LTA4H: variants seen among roughly 807,000 people sequenced by gnomAD.
The protein encoded by LTA4H is leukotriene A-4 hydrolase.
A neutral mutation model predicts 89.8 loss-of-function variants in LTA4H; 59 were observed. The observed-to-expected ratio is 0.66, with a 90% CI of 0.53 to 0.82. The LOEUF (loss-of-function observed/expected upper bound fraction) is 0.82. Among genes scored for constraint, LTA4H ranks in the 40% least tolerant of loss-of-function variants. The pLI is 0.00. For synonymous variants in LTA4H, 227 were observed against 253.1 expected (o/e 0.90, Z 0.98); for missense variants, 617 against 727.0 (o/e 0.85, Z 1.74).
rs1461779932 is a variant in LTA4H at position 96,003,036 on chromosome 12, A to T, written c.1642T>A (p.Trp548Arg). Residue 548 changes from tryptophan to arginine, a missense_variant, in exon 18 of 19, where the codon TGG (tryptophan) becomes AGG (arginine). Transcript: ENST00000228740. Reference protein sequence around the residue: ...RWLRLCIQSKWEDAIPLALKM... With the variant: ...RWLRLCIQSKREDAIPLALKM... Reference sequence around the variant, plus strand: ...AGCGCCAAAGGAATTGCGTCCTCCCACTTGGATTGAATGCAGAGCCGCAGC... The same window carrying T: ...AGCGCCAAAGGAATTGCGTCCTCCCTCTTGGATTGAATGCAGAGCCGCAGC... 3 of 1,602,846 alleles carry T rather than the reference A, an allele frequency of 1.9e-6. No individual in the cohort carries two copies. The highest frequency in any genetic ancestry group is 2.6e-6 in the Non-Finnish European group (3 of 1,174,120).
In LTA4H at chr12:96,035,405, C is replaced by T; in HGVS notation, c.115G>A (p.Ala39Thr). 1 of 1,611,264 alleles carries T rather than the reference C, an allele frequency of 6.2e-7. No homozygotes were observed. The highest frequency in any genetic ancestry group is 1.6e-4 in the Middle Eastern group (1 of 6,062). Residue 39 changes from alanine (A) to threonine (T), a missense_variant, in exon 1 of 19, where the codon GCT becomes ACT. Physicochemically the swap from Ala to Thr is moderately conservative, Grantham distance 58 (BLOSUM62 0). Around this residue, in one of 3 missense-constraint regions of LTA4H, gnomAD observed 155 missense variants for 143.3 expected, o/e 1.08. Transcript: ENST00000228740. ...DFTRRTLTGT[A>T]ALTVQSQEDN... ...TCCTGAGACTGGACCGTGAGAGCAG[C>T]AGTCCCGGTCAGCGTCCGGCGAGTA...
At chr12:96,030,869 T>G (rs1950564469) in intron 1 of LTA4H, among the ~76,000 whole-genome samples, 1 of 152,238 alleles carries the variant, frequency 6.6e-6, no homozygotes, top group South Asian at 2.1e-4. Context: ...ATAATAGGGT[T>G]ACTCCTTCAT....
upstream of LTA4H, among the ~76,000 whole-genome samples, chr12:96,038,773 A>G (rs1005217901): frequency 6.8e-6 from 1 of 147,828 alleles, no homozygotes; most frequent in Admixed American, 6.9e-5. Context: ...AAATCATCTT[A>G]TTTATCTAGT....
Position 96,013,175 on chromosome 12 carries a change from G to T in LTA4H, c.1379+13C>A. 1 of 1,605,534 alleles carries T rather than the reference G, an allele frequency of 6.2e-7. No individual in the cohort carries two copies. The highest frequency in any genetic ancestry group is 8.5e-7 in the Non-Finnish European group (1 of 1,172,310). ...GAGAATGAGAAGGAAAGCATTAGCA[G>T]GCAAGTACTTACTTGGGCTTTATGG... On this transcript the variant is annotated intron_variant, in intron 14 of 18. Transcript: ENST00000228740.
Position 96,014,993 on chromosome 12 carries a change from T to C in LTA4H, c.1066A>G (p.Thr356Ala). ...GTGAAAGGATGTGTCTCCCCAAATGTCTTTACCTGCAAGACATGAAATAAC... is the reference window on the plus strand; with the variant it reads ...GTGAAAGGATGTGTCTCCCCAAATGCCTTTACCTGCAAGACATGAAATAAC... Reference protein sequence around the residue: ...GWGELQNSVKTFGETHPFTKL... With the variant: ...GWGELQNSVKAFGETHPFTKL... Residue 356 changes from threonine (T) to alanine (A), a missense_variant, in exon 12 of 19, where the codon ACA becomes GCA. Physicochemically the swap from Thr to Ala is moderately conservative, Grantham distance 58. Coordinates refer to ENST00000228740, the MANE Select transcript of LTA4H (RefSeq NM_000895.3). The C allele has an allele frequency of 6.2e-7, 1 of 1,607,512 alleles. No homozygotes were observed.
chr12:96,035,322 C>T lies in LTA4H; in HGVS notation c.159+39G>A, dbSNP rs760090613. ...AGGACTAGGGTCGAGGGGCAGGGAG[C>T]CCGGGAGAGGCGGGCACTGGGCAGG... On this transcript the variant is annotated intron_variant, in intron 1 of 18. Coordinates refer to ENST00000228740, the MANE Select transcript of LTA4H (RefSeq NM_000895.3). The T allele has an allele frequency of 1.9e-6, 3 of 1,575,814 alleles. No homozygotes were observed. In the South Asian group the frequency reaches 3.4e-5, roughly 18 times the overall value.
chr12:96,016,487 T>G (rs767065991), intron 10 of LTA4H, among the ~76,000 whole-genome samples: 11 of 151,114 alleles, frequency 7.3e-5, no homozygotes, highest in Non-Finnish European at 5.9e-5. Context: ...GGCATGCGCC[T>G]TTAGTCTCAG....
Position 96,006,416 on chromosome 12 carries a change from T to C in LTA4H, c.1435-7A>G. The C allele has an allele frequency of 6.5e-7, 1 of 1,547,792 alleles. No homozygotes were observed. The highest frequency in any genetic ancestry group is 1.1e-5 in the South Asian group (1 of 87,806). The stretch of plus-strand genomic sequence containing the variant: ...TTAAATCATCTTCTTTGGCCTGAAA[T>C]AAATGTTACCTAGTTATTTTTGTTC... On this transcript the variant is annotated splice_region_variant and splice_polypyrimidine_tract_variant and intron_variant, in intron 15 of 18. Coordinates refer to ENST00000228740, the MANE Select transcript of LTA4H (RefSeq NM_000895.3).
intron 1 of LTA4H, among the ~76,000 whole-genome samples, chr12:96,043,001 C>T (rs1950699546): frequency 6.6e-6 from 1 of 152,200 alleles, no homozygotes; most frequent in Non-Finnish European, 1.5e-5. Context: ...TCCTGCTTAC[C>T]ATTCCCATCT....
upstream of LTA4H, among the ~76,000 whole-genome samples, chr12:96,035,848 G>A (rs1361141726): frequency 2.0e-5 from 3 of 152,258 alleles, no homozygotes; most frequent in African/African-American, 7.2e-5. Context: ...GGGAAATGAT[G>A]AGAATGGAGG....
At chr12:96,042,045 A>G (rs1256761098) in intron 1 of LTA4H, among the ~76,000 whole-genome samples, 3 of 139,244 alleles carry the variant, frequency 2.2e-5, no homozygotes, top group Non-Finnish European at 3.0e-5. Flanking sequence ...GTGCAGTGGC[A>G]CGATCTCAGA....
upstream of LTA4H, among the ~76,000 whole-genome samples, chr12:96,037,481 G>A (rs531679109): frequency 2.6e-5 from 4 of 152,322 alleles, no homozygotes; most frequent in South Asian, 8.3e-4. Context: ...AGTAAGAAGT[G>A]AAAATTCTCT....
At chr12:96,039,693 G>A (rs1950673851), upstream of LTA4H, among the ~76,000 whole-genome samples, 1 of 152,154 alleles carries the variant, frequency 6.6e-6, no homozygotes, top group Non-Finnish European at 1.5e-5. Context: ...AAAAAGGAAT[G>A]GCAACATTAG....
chr12:96,026,915 A>G (rs539306527), intron 3 of LTA4H, among the ~76,000 whole-genome samples: 1 of 152,210 alleles, frequency 6.6e-6, no homozygotes. Context: ...AAACAAAAGT[A>G]GTTTAAGTCA....
chr12:96,009,918 T>G (rs1309110807), intron 14 of LTA4H: 1 of 152,136 alleles, frequency 6.6e-6, no homozygotes, highest in Non-Finnish European at 1.5e-5. Flanking sequence ...CCACTGAATC[T>G]CCCTTAAAGA....
Position 96,013,837 on chromosome 12 carries a change from G to C in LTA4H, c.1221C>G (p.Phe407Leu), listed in dbSNP as rs765153042. Residue 407 changes from phenylalanine (F) to leucine (L), a missense_variant, in exon 13 of 19, where the codon TTC (phenylalanine) becomes TTG (leucine). By Grantham distance (22) the Phe-to-Leu change is conservative. This residue lies in a region of LTA4H where 290 missense variants were observed against 339.1 expected (regional missense o/e 0.86). Coordinates refer to ENST00000228740, the MANE Select transcript of LTA4H (RefSeq NM_000895.3). The stretch of plus-strand genomic sequence containing the variant: ...AAAACTTCTCAACATAAGCTTTTAA[G>C]AATCCTAGGAAAATCTCTAAGAGTA... ...LLGGPEIFLG[F>L]LKAYVEKFSY... The C allele has an allele frequency of 6.7e-7, 1 of 1,493,080 alleles. No homozygotes were observed. Among genetic ancestry groups the C allele is most frequent in the Non-Finnish European group, 9.2e-7 (1 of 1,085,426 alleles). 92.5% of individuals were successfully genotyped at this position (1,493,080 alleles called of 1,614,324 possible).
chr12:96,007,578 T>A (rs913684601), intron 15 of LTA4H, among the ~76,000 whole-genome samples: 2 of 152,226 alleles, frequency 1.3e-5, no homozygotes, highest in African/African-American at 4.8e-5. Flanking sequence ...TATTTACTAT[T>A]TAAGACAAAT....
chr12:96,013,686 C>G (rs908927274), intron 13 of LTA4H, 64 bp downstream of exon 13: 1 of 836,408 alleles, frequency 1.2e-6, no homozygotes, highest in African/African-American at 1.7e-5. Context: ...TACAAGTTAA[C>G]CTAATCAGTC....
chr12:96,009,365 C>G, intron 14 of LTA4H: 1 of 527,400 alleles, frequency 1.9e-6, no homozygotes, highest in Non-Finnish European at 3.4e-6. Context: ...ATGAAACACC[C>G]ATCTATCTTT....
Sources: gnomAD v4.1 joint callset for allele counts (sites outside exome capture counted in the v4.1 genomes callset) on GRCh38, gnomAD v4.1.1 for gene constraint, gnomAD v4.1.1 regional missense constraint, MANE v1.5 for transcripts, NCBI Gene and HGNC (gene_info 2026-07-23, HGNC 2026-07-21) for gene names.